Variants in SLC5A10 observed in about 807,000 individuals in gnomAD.
SLC5A10 encodes the protein solute carrier family 5 member 10.
SLC5A10 carries 55 observed loss-of-function variants against 68.9 expected under a neutral mutation model. The observed-to-expected ratio is 0.80, with a 90% CI of 0.64 to 1.00. The LOEUF is 1.00. Ranked by LOEUF, SLC5A10 falls within the 50% of genes least tolerant of loss-of-function variation. The probability of loss-of-function intolerance (pLI) is 0.00; values close to 1 mark genes in which losing one functional copy is unlikely to be tolerated. For missense variants in SLC5A10, 732 were observed against 819.3 expected (o/e 0.89, Z 1.30); for synonymous variants, 344 against 344.8 (o/e 1.00, Z 0.02).
Position 18,958,766 on chromosome 17 carries a change from T to G in SLC5A10, c.183+13T>G. 1 of 1,613,876 alleles carries G rather than the reference T, an allele frequency of 6.2e-7. No homozygotes were observed. Among genetic ancestry groups the G allele is most frequent in the Non-Finnish European group, 8.5e-7 (1 of 1,179,772 alleles). On this transcript the variant is annotated intron_variant, in intron 2 of 14. Transcript: ENST00000395645. ...GACGTGGTGGCCGGTGAGTGCACCC[T>G]GACTTCTCACACACCCCCACTTTGT...
intron 7 of SLC5A10, 42 bp from the exon 8 acceptor site, chr17:18,970,971 C>G: frequency 6.3e-7 from 1 of 1,596,984 alleles, no homozygotes; most frequent in Non-Finnish European, 8.6e-7. Context: ...GTCAGGGCCC[C>G]GCAACCACCA....
chr17:18,951,107 T>A (rs1007635164), upstream of SLC5A10, among the ~76,000 whole-genome samples: 1 of 152,232 alleles, frequency 6.6e-6, no homozygotes, highest in African/African-American at 2.4e-5. Flanking sequence ...TGGCAGCCGC[T>A]CACTCATTAA....
chr17:18,971,308 T>C lies in SLC5A10; in HGVS notation c.846+90T>C, dbSNP rs1317367810. 5.6e-6 allele frequency: 9 copies of C among 1,608,126 alleles called. No individual in the cohort carries two copies. The highest frequency in any genetic ancestry group is 1.1e-5 in the South Asian group (1 of 90,778). On this transcript the variant is annotated intron_variant, in intron 8 of 14. Transcript: ENST00000395645. This position sits in a 1 kb window ranked among gnomAD's most constrained non-coding sequence, Gnocchi z 5.5. Reference sequence around the variant, plus strand: ...GGCGGCCTGTCTGCCCTCCGCGTCATGAGTCTGGGCTGGGGCCTCAGAAGG... The same window carrying C: ...GGCGGCCTGTCTGCCCTCCGCGTCACGAGTCTGGGCTGGGGCCTCAGAAGG...
At position 18,971,542 on chromosome 17, in the gene SLC5A10, C is replaced by T. The variant is rs767932282; in HGVS notation, c.846+324C>T. On this transcript the variant is annotated intron_variant, in intron 8 of 14. Transcript: ENST00000395645. The surrounding 1 kb of genome is among the most constrained non-coding windows in gnomAD (Gnocchi z 5.5). The stretch of plus-strand genomic sequence containing the variant: ...CGGTCATGGGGCGGGCATTTTGGGC[C>T]AGTCTTGGGCTGCCGGGATCCGGAA... The T allele has an allele frequency of 3.0e-5, 49 of 1,613,786 alleles. No individual in the cohort carries two copies. Among genetic ancestry groups the T allele is most frequent in the Admixed American group, 1.2e-4 (7 of 60,000 alleles).
At chr17:18,982,563 G>GACGT (rs1266129438) in intron 9 of SLC5A10, among the ~76,000 whole-genome samples, 1 of 152,218 alleles carries the variant, frequency 6.6e-6, no homozygotes, top group African/African-American at 2.4e-5. Flanking sequence ...AGTAAGAGAG[G>GACGT]ACGTCAAGGG....
chr17:18,979,736 A>AGGAC, intron 9 of SLC5A10: 7 of 1,592,958 alleles, frequency 4.4e-6, no homozygotes, highest in Non-Finnish European at 6.0e-6. Flanking sequence ...GGGCGAGGGG[A>AGGAC]GGACGGCAGC....
At chr17:19,010,460 G>T (rs1225539002) in intron 9 of SLC5A10, among the ~76,000 whole-genome samples, 1 of 152,136 alleles carries the variant, frequency 6.6e-6, no homozygotes, top group Non-Finnish European at 1.5e-5. Flanking sequence ...CCTCCCCGGG[G>T]CTGCTTACTC....
Position 18,991,326 on chromosome 17 carries a change from C to T in SLC5A10, c.982+14337C>T, listed in dbSNP as rs370637187. 1.9e-3 allele frequency among the ~76,000 whole-genome samples: 283 copies of T among 152,182 alleles called. 7 individuals carry two copies. The South Asian group carries it at 0.055, about 30-fold the overall frequency. The stretch of plus-strand genomic sequence containing the variant: ...ATCAGGGCATCTGGGACCACAGCCC[C>T]TCCTGGGCCCTTGGCTTCCCCATCT... On this transcript the variant is annotated intron_variant, in intron 9 of 14. Transcript: ENST00000395645.
chr17:19,019,658 G>A (rs1323436092), intron 12 of SLC5A10, 55 bp from the exon 13 acceptor site: 7 of 1,601,806 alleles, frequency 4.4e-6, no homozygotes, highest in South Asian at 3.3e-5. Flanking sequence ...TGCCTGTGGG[G>A]GGAGCCTTGG....
At chr17:18,958,848 C>A in intron 2 of SLC5A10, 95 bp downstream of exon 2, 1 of 1,431,950 alleles carries the variant, frequency 7.0e-7, no homozygotes, top group Non-Finnish European at 9.8e-7. Flanking sequence ...TGAGCCAGTC[C>A]AATTCAGTGG....
intron 1 of SLC5A10, among the ~76,000 whole-genome samples, 185 bp from the exon 2 acceptor site, chr17:18,958,497 C>T (rs1054532950): frequency 5.3e-5 from 8 of 152,136 alleles, no homozygotes; most frequent in African/African-American, 1.7e-4. Flanking sequence ...TATGAACATT[C>T]GTGTACAAGT....
chr17:18,951,241 A>T (rs1597803565), upstream of SLC5A10, among the ~76,000 whole-genome samples: 1 of 152,222 alleles, frequency 6.6e-6, no homozygotes, highest in East Asian at 1.9e-4. Context: ...AGAATTAGTG[A>T]GCGAGCGTCC....
chr17:18,959,608 C>T lies in SLC5A10; in HGVS notation c.293C>T (p.Thr98Met), dbSNP rs764434936. ...LAVAGFEWNATYVLLALAWVF... is the reference protein window; with the variant it reads ...LAVAGFEWNAMYVLLALAWVF... ...CACCTGTCTCTGTCCCCATAGGCCA[C>T]GTACGTGCTGCTGGCACTGGCATGG... is the stretch of plus-strand genomic sequence containing the variant. Residue 98 changes from threonine (T) to methionine (M), a missense_variant, in exon 4 of 15, where the codon ACG becomes ATG. Transcript: ENST00000395645. 88 of 1,613,722 alleles carry T rather than the reference C, an allele frequency of 5.5e-5. No homozygotes were observed. The highest frequency in any genetic ancestry group is 1.6e-4 in the Middle Eastern group (1 of 6,082).
chr17:18,950,722 T>C (rs914438811), upstream of SLC5A10: 5 of 984,754 alleles, frequency 5.1e-6, no homozygotes, highest in Non-Finnish European at 6.0e-6. Context: ...TTGTTGTTGT[T>C]GTTTGTTTTG....
intron 9 of SLC5A10, among the ~76,000 whole-genome samples, chr17:19,010,215 G>A (rs984772690): frequency 6.6e-6 from 1 of 152,156 alleles, no homozygotes; most frequent in African/African-American, 2.4e-5. Context: ...AGGAGGCACA[G>A]CAAGGAGGTA....
intron 9 of SLC5A10, among the ~76,000 whole-genome samples, chr17:18,994,416 G>C (rs2043510704): frequency 6.6e-6 from 1 of 152,198 alleles, no homozygotes; most frequent in African/African-American, 2.4e-5. Context: ...GGATTTGCAG[G>C]ACGGAGTGCC....
At chr17:18,972,881 AAAAG>A (rs1193635470) in intron 8 of SLC5A10, among the ~76,000 whole-genome samples, 1 of 151,966 alleles carries the variant, frequency 6.6e-6, no homozygotes. Context: ...AAAAAAAAAA[AAAAG>A]AACAGACCCC....
intron 9 of SLC5A10, chr17:18,978,749 A>G: frequency 1.2e-6 from 2 of 1,612,952 alleles, no homozygotes; most frequent in Non-Finnish European, 8.5e-7. Context: ...ACTGTGTGAC[A>G]TGAGGTACAG....
chr17:18,960,354 G>A (rs1392326357), intron 4 of SLC5A10, among the ~76,000 whole-genome samples, 194 bp from the exon 5 acceptor site: 2 of 152,222 alleles, frequency 1.3e-5, no homozygotes, highest in Non-Finnish European at 1.5e-5. Context: ...TGACACCCTC[G>A]GGGCGCAGCC....
Sources: gnomAD v4.1 joint callset for allele counts (sites outside exome capture counted in the v4.1 genomes callset) on GRCh38, gnomAD v4.1.1 for gene constraint, Gnocchi (gnomAD v3.1) non-coding constraint, MANE v1.5 for transcripts, NCBI Gene and HGNC (gene_info 2026-07-23, HGNC 2026-07-21) for gene names.